JPH2: variants seen among roughly 807,000 people sequenced by gnomAD.
JPH2 encodes the protein junctophilin 2, also known as junctophilin-2.
A neutral mutation model predicts 55.9 loss-of-function variants in JPH2; 38 were observed. The observed-to-expected ratio is 0.68, with a 90% CI of 0.52 to 0.89. The LOEUF is 0.89. JPH2 is among the 40% of genes least tolerant of loss of function. The probability of loss-of-function intolerance (pLI) is 0.00; values close to 1 mark genes in which losing one functional copy is unlikely to be tolerated. For synonymous variants in JPH2, 480 were observed against 472.4 expected, an observed-to-expected ratio of 1.02 and a Z score of -0.21; for missense variants, 964 against 1,037.6, an observed-to-expected ratio of 0.93 and a Z score of 0.97.
rs1353868383 is a variant in JPH2, at chr20:44,173,121, C to T, written c.380-12714G>A. Reference sequence around the variant, plus strand: ...TTTAAGACAAAAATAATTAACAGTCCTTTCTTGAAACTAACCCCCTCTTTA... The same window carrying T: ...TTTAAGACAAAAATAATTAACAGTCTTTTCTTGAAACTAACCCCCTCTTTA... On this transcript the variant is annotated intron_variant, in intron 1 of 5. Transcript: ENST00000372980. 2.0e-5 allele frequency among the ~76,000 whole-genome samples: 3 copies of T among 152,104 alleles called. No individual in the cohort carries two copies. The East Asian group carries it at 5.8e-4, about 29-fold the overall frequency.
chr20:44,183,977 T>C (rs1289193837), intron 1 of JPH2, among the ~76,000 whole-genome samples: 6 of 150,376 alleles, frequency 4.0e-5, no homozygotes, highest in Non-Finnish European at 8.9e-5. Context: ...CGTGGCAAAA[T>C]CCCATTTCTA....
chr20:44,108,378 G>A lies in JPH2; in HGVS notation c.*5140C>T, dbSNP rs1443697445. 1.3e-5 allele frequency among the ~76,000 whole-genome samples: 2 copies of A among 151,786 alleles called. No individual in the cohort carries two copies. The highest frequency in any genetic ancestry group is 4.9e-5 in the African/African-American group (2 of 41,188). ...CTGTGAGTCTTTCTAGTGAATTATT[G>A]AGTATGAGGATAATCATAGGAACCC... On this transcript the variant is annotated 3_prime_UTR_variant, in exon 6 of 6. Transcript: ENST00000372980.
Position 44,116,144 on chromosome 20 carries a change from C to T in JPH2, c.1531G>A (p.Ala511Thr), listed in dbSNP as rs746312916. ...VSKDGLLSPG[A>T]WNGEPSGEGS... ...TCACCGCTGGGCTCGCCGTTCCAGG[C>T]GCCTGGGCTCAGCAGGCCGTCCTTG... Residue 511 changes from alanine to threonine, a missense_variant, in exon 4 of 6, where the codon GCC becomes ACC. Coordinates refer to ENST00000372980, the MANE Select transcript of JPH2 (RefSeq NM_020433.5). 9 of 1,433,704 alleles carry T rather than the reference C, an allele frequency of 6.3e-6. No homozygotes were observed. The South Asian group carries it at 1.2e-4, about 19-fold the overall frequency. 88.8% of individuals were successfully genotyped at this position (1,433,704 alleles called of 1,614,324 possible).
intron 2 of JPH2, among the ~76,000 whole-genome samples, chr20:44,157,161 C>T (rs962681696): frequency 2.0e-5 from 3 of 152,116 alleles, no homozygotes; most frequent in South Asian, 4.1e-4. Flanking sequence ...GATGGGCTAC[C>T]CAGATTCCCC....
chr20:44,109,450 T>G lies in JPH2; in HGVS notation c.*4068A>C, dbSNP rs971939677. Among the ~76,000 whole-genome samples the G allele has an allele frequency of 6.6e-6, 1 of 152,180 alleles. No individual in the cohort carries two copies. Among genetic ancestry groups the G allele is most frequent in the African/African-American group, 2.4e-5 (1 of 41,426 alleles). ...GATGTTAAGGGACAGAGCCAAGATT[T>G]GAACCAGCAACCATGTTCTGAACCA... On this transcript the variant is annotated 3_prime_UTR_variant, in exon 6 of 6. Transcript: ENST00000372980.
rs184062311 is a variant in JPH2, at chr20:44,159,019, G to C, written c.1169+599C>G. Among the ~76,000 whole-genome samples the C allele has an allele frequency of 6.6e-6, 1 of 152,274 alleles. No homozygotes were observed. Among genetic ancestry groups the C allele is most frequent in the Non-Finnish European group, 1.5e-5 (1 of 68,022 alleles). On this transcript the variant is annotated intron_variant, in intron 2 of 5. Transcript: ENST00000372980. This position sits in a 1 kb window ranked among gnomAD's most constrained non-coding sequence, Gnocchi z 5.7. ...CGGGTGGTTGAGTCGATGAATGGAT[G>C]GGTGATGAGCTGGTTGAGTAGGTAA...
rs1254564415 is a variant in JPH2 at position 44,110,675 on chromosome 20, C to T, written c.*2843G>A. On this transcript the variant is annotated 3_prime_UTR_variant, in exon 6 of 6. Transcript: ENST00000372980. The stretch of plus-strand genomic sequence containing the variant: ...CAAACTCCTGACCTCAAGTGATCCA[C>T]CTGCCTCAGCCTCCTCTAACGTGCT... Among the ~76,000 whole-genome samples the T allele has an allele frequency of 6.6e-6, 1 of 152,216 alleles. No homozygotes were observed.
intron 2 of JPH2, among the ~76,000 whole-genome samples, chr20:44,141,398 G>A (rs1345162784): frequency 6.6e-6 from 1 of 152,146 alleles, no homozygotes; most frequent in Non-Finnish European, 1.5e-5. Flanking sequence ...GGGAGGGAAA[G>A]GCAGATGGAG....
Position 44,160,222 on chromosome 20 carries a change from C to CGGGGCCGTCG in JPH2, c.555_564dup (p.Ala189ArgfsTer56). 6.8e-7 allele frequency: 1 copy of CGGGGCCGTCG among 1,478,320 alleles called. No homozygotes were observed. The highest frequency in any genetic ancestry group is 8.9e-7 in the Non-Finnish European group (1 of 1,120,630). The allele number at this position is 1,478,320 out of a possible 1,614,324, so 91.6% of individuals were successfully genotyped here. A position where few individuals can be genotyped will look rare whatever the true frequency, so the allele number is the denominator to read the frequency against. The stretch of plus-strand genomic sequence containing the variant: ...CGCGGGATGGCGGGCGAGGGCAGCG[C>CGGGGCCGTCG]GGGGCCGTCGGAGGCCGGCGAGGCG... On this transcript the variant is annotated frameshift_variant, in exon 2 of 6. Coordinates refer to ENST00000372980, the MANE Select transcript of JPH2 (RefSeq NM_020433.5). LOFTEE classifies it high-confidence loss of function. This position sits in a 1 kb window ranked among gnomAD's most constrained non-coding sequence, Gnocchi z 4.9.
chr20:44,177,744 G>A, intron 1 of JPH2: 8 of 1,418,834 alleles, frequency 5.6e-6, no homozygotes, highest in Non-Finnish European at 6.5e-6. Flanking sequence ...TCAAAGTCTT[G>A]TCTTATTTAC....
chr20:44,132,207 T>C (rs1192912427), intron 2 of JPH2, among the ~76,000 whole-genome samples: 5 of 152,076 alleles, frequency 3.3e-5, no homozygotes, highest in African/African-American at 7.3e-5. Context: ...GGTAGCAAGG[T>C]GTAAAAGAAT....
intron 2 of JPH2, among the ~76,000 whole-genome samples, chr20:44,137,151 A>G (rs1243654333): frequency 6.6e-6 from 1 of 152,148 alleles, no homozygotes; most frequent in Non-Finnish European, 1.5e-5. Context: ...ATCACTACTT[A>G]GCGGATTTTC....
At position 44,111,040 on chromosome 20, in the gene JPH2, G is replaced by C. The variant is rs1458495839; in HGVS notation, c.*2478C>G. ...CATGGGCAGTACTTATTCCTAAAAA[G>C]TCAAGAGAACTGCTTTCCTGCCACC... On this transcript the variant is annotated 3_prime_UTR_variant, in exon 6 of 6. Coordinates refer to ENST00000372980, the MANE Select transcript of JPH2 (RefSeq NM_020433.5). Among the ~76,000 whole-genome samples, 3 of 152,250 alleles carry C rather than the reference G, an allele frequency of 2.0e-5. No individual in the cohort carries two copies. Among genetic ancestry groups the C allele is most frequent in the Non-Finnish European group, 4.4e-5 (3 of 68,040 alleles).
At position 44,187,028 on chromosome 20, in the gene JPH2, A is replaced by C; in HGVS notation, c.-323T>G. The C allele has an allele frequency of 3.1e-5, 13 of 423,296 alleles. No individual in the cohort carries two copies. The South Asian group carries it at 3.8e-4, about 12-fold the overall frequency. 26.2% of individuals were successfully genotyped at this position (423,296 alleles called of 1,614,324 possible). ...TGCCTTCCAAGAAGTCCAAGGGAAA[A>C]CGGTGTGATCTCTTTAAGAAGCCCA... is the stretch of plus-strand genomic sequence containing the variant. On this transcript the variant is annotated 5_prime_UTR_variant, in exon 1 of 6. Coordinates refer to ENST00000372980, the MANE Select transcript of JPH2 (RefSeq NM_020433.5).
intron 3 of JPH2, among the ~76,000 whole-genome samples, chr20:44,117,603 T>A (rs886693266): frequency 2.0e-5 from 3 of 152,246 alleles, no homozygotes; most frequent in African/African-American, 7.2e-5. Flanking sequence ...GGGCTCCACC[T>A]GAGACCTACT....
At chr20:44,118,448 A>G (rs2072209404) in intron 3 of JPH2, 57 bp downstream of exon 3, 3 of 1,380,750 alleles carry the variant, frequency 2.2e-6, no homozygotes, top group Non-Finnish European at 3.1e-6. Flanking sequence ...TAAGCAAAGA[A>G]AAGCGCCCAC....
intron 1 of JPH2, among the ~76,000 whole-genome samples, chr20:44,173,358 A>G (rs946915438): frequency 6.6e-6 from 1 of 152,166 alleles, no homozygotes; most frequent in Admixed American, 6.5e-5. Flanking sequence ...AACCAGTCCT[A>G]TAACCCCCAC....
chr20:44,182,475 G>C (rs1173797208), intron 1 of JPH2, among the ~76,000 whole-genome samples: 1 of 152,128 alleles, frequency 6.6e-6, no homozygotes, highest in Non-Finnish European at 1.5e-5. Context: ...GAGCTCCTGG[G>C]CACACCTGGG....
intron 2 of JPH2, among the ~76,000 whole-genome samples, chr20:44,125,892 C>T (rs1479187019): frequency 6.6e-6 from 1 of 151,916 alleles, no homozygotes; most frequent in Non-Finnish European, 1.5e-5. Context: ...GGAAGTGCTA[C>T]CTAAGGGCTT....
Sources: gnomAD v4.1 joint callset for allele counts (sites outside exome capture counted in the v4.1 genomes callset) on GRCh38, gnomAD v4.1.1 for gene constraint, Gnocchi (gnomAD v3.1) non-coding constraint, MANE v1.5 for transcripts, NCBI Gene and HGNC (gene_info 2026-07-23, HGNC 2026-07-21) for gene names.